Variants in MYCBP2 observed in about 807,000 individuals in gnomAD.
MYCBP2 encodes the protein E3 ubiquitin-protein ligase MYCBP2.
In MYCBP2, 120 loss-of-function variants were observed where a neutral mutation model predicts 525.3. The observed-to-expected ratio is 0.23, with a 90% CI of 0.20 to 0.27. MYCBP2 has a LOEUF of 0.27. Ranked by LOEUF, MYCBP2 falls within the 10% of genes least tolerant of loss-of-function variation. MYCBP2 has a pLI of 1.00. For synonymous variants in MYCBP2, 1,894 were observed against 1,955.8 expected, an observed-to-expected ratio of 0.97 and a Z score of 0.83; for missense variants, 4,149 against 5,657.1, an observed-to-expected ratio of 0.73 and a Z score of 8.55.
intron 43 of MYCBP2, among the ~76,000 whole-genome samples, chr13:77,162,719 C>T (rs1315989491): frequency 6.6e-6 from 1 of 152,036 alleles, no homozygotes; most frequent in East Asian, 1.9e-4. Flanking sequence ...TGCAGTGGTG[C>T]GATCTCGGCT....
Position 77,068,664 on chromosome 13 carries a change from A to G in MYCBP2, c.12072T>C (p.Ser4024=). 1 of 1,614,202 alleles carries G rather than the reference A, an allele frequency of 6.2e-7. No homozygotes were observed. The highest frequency in any genetic ancestry group is 8.5e-7 in the Non-Finnish European group (1 of 1,180,024). The change falls in exon 70 of 83, where the codon AGT becomes AGC. Residue 4024 remains serine, a synonymous_variant. Coordinates refer to ENST00000544440, the MANE Select transcript of MYCBP2 (RefSeq NM_015057.5). The part of the protein sequence containing the change: ...FELLSMVLAL[S]GSNVGRQYLA... ...GATATTGCCGGCCAACGTTAGAGCC[A>G]CTCAGTGCTAAAACCATAGAGAGCA...
chr13:77,066,093 A>G lies in MYCBP2; in HGVS notation c.12456-5T>C. ...CTTTCACCTCGTCGGAGATAACTAC[A>G]AGAAAAATTAGCACTTAAAAAGCCA... On this transcript the variant is annotated splice_polypyrimidine_tract_variant and splice_region_variant and intron_variant, in intron 71 of 82. Transcript: ENST00000544440. 1 of 1,605,320 alleles carries G rather than the reference A, an allele frequency of 6.2e-7. No individual in the cohort carries two copies. The highest frequency in any genetic ancestry group is 8.5e-7 in the Non-Finnish European group (1 of 1,172,990).
chr13:77,290,358 T>C (rs542783097), intron 2 of MYCBP2, among the ~76,000 whole-genome samples: 2 of 152,236 alleles, frequency 1.3e-5, no homozygotes, highest in East Asian at 3.8e-4. Context: ...ATTATGTTCT[T>C]GGACATTTAC....
intron 82 of MYCBP2, among the ~76,000 whole-genome samples, chr13:77,050,342 G>T (rs1014300856): frequency 4.6e-5 from 7 of 152,086 alleles, no homozygotes; most frequent in African/African-American, 1.7e-4. Flanking sequence ...ACTAATTTCA[G>T]ATATATCTTA....
At position 77,176,756 on chromosome 13, in the gene MYCBP2, C is replaced by T. The variant is rs1228821818; in HGVS notation, c.5341-128G>A. 6.4e-6 allele frequency: 5 copies of T among 781,998 alleles called. No homozygotes were observed. The East Asian group carries it at 9.8e-5, about 15-fold the overall frequency. The allele number at this position is 781,998 out of a possible 1,614,324, so 48.4% of individuals were successfully genotyped here. A position where few individuals can be genotyped will look rare whatever the true frequency, so the allele number is the denominator to read the frequency against. Reference sequence around the variant, plus strand: ...ATATAAAATTAGCCATTAGTATTTTCCCATACATATGAAAGAAAAAGTTGG... The same window carrying T: ...ATATAAAATTAGCCATTAGTATTTTTCCATACATATGAAAGAAAAAGTTGG... On this transcript the variant is annotated intron_variant, in intron 35 of 82. Coordinates refer to ENST00000544440, the MANE Select transcript of MYCBP2 (RefSeq NM_015057.5).
rs1243603709 is a variant in MYCBP2 at position 77,191,847 on chromosome 13, T to C, written c.3936-34A>G. On this transcript the variant is annotated intron_variant, in intron 27 of 82. Coordinates refer to ENST00000544440, the MANE Select transcript of MYCBP2 (RefSeq NM_015057.5). ...AAATTAGTGAGTCAAAAACAATATT[T>C]TCTTACTTCTCTGTCACATATATTT... 3.1e-6 allele frequency: 5 copies of C among 1,601,602 alleles called. No individual in the cohort carries two copies. The South Asian group carries it at 4.4e-5, about 14-fold the overall frequency.
intron 13 of MYCBP2, among the ~76,000 whole-genome samples, chr13:77,259,590 TACA>T (rs1432281527): frequency 6.6e-6 from 1 of 152,226 alleles, no homozygotes; most frequent in Admixed American, 6.5e-5. Context: ...ATCTAAATAT[TACA>T]ACATTAAGCC....
In MYCBP2 at chr13:77,171,645, A is replaced by G. The variant is rs769379452; in HGVS notation, c.5652-11T>C. 1.9e-6 allele frequency: 3 copies of G among 1,612,828 alleles called. No homozygotes were observed. The highest frequency in any genetic ancestry group is 2.7e-5 in the African/African-American group (2 of 74,896). On this transcript the variant is annotated splice_polypyrimidine_tract_variant and intron_variant, in intron 37 of 82. Transcript: ENST00000544440. ...CCATCAAATTCACTCCTGTAGCATG[A>G]GCAAACATGAGATTATTTTACAATG...
chr13:77,094,299 T>C (rs558425791), intron 58 of MYCBP2, among the ~76,000 whole-genome samples: 119 of 152,286 alleles, frequency 7.8e-4, no homozygotes, highest in African/African-American at 2.5e-3. Context: ...GGAGTGTCAG[T>C]GCATGATGTG....
intron 19 of MYCBP2, among the ~76,000 whole-genome samples, chr13:77,224,793 TTAA>T (rs2066036127): frequency 6.6e-6 from 1 of 152,180 alleles, no homozygotes; most frequent in South Asian, 2.1e-4. Flanking sequence ...TTAATTCTTA[TTAA>T]CACACTGGTT....
intron 2 of MYCBP2, among the ~76,000 whole-genome samples, chr13:77,291,042 C>G (rs2077411569): frequency 6.6e-6 from 1 of 152,026 alleles, no homozygotes; most frequent in South Asian, 2.1e-4. Context: ...AGACATATAC[C>G]ATGTTCATGG....
chr13:77,210,456 T>C (rs999848947), intron 23 of MYCBP2, among the ~76,000 whole-genome samples: 7 of 152,134 alleles, frequency 4.6e-5, no homozygotes, highest in African/African-American at 1.7e-4. Context: ...CCTCCCAAAG[T>C]GCTGGGATTA....
In MYCBP2 at chr13:77,150,811, C is replaced by G. The variant is rs537525313; in HGVS notation, c.7054G>C (p.Ala2352Pro). The change falls in exon 47 of 83, where the codon GCA (alanine) becomes CCA (proline). Residue 2352 changes from alanine to proline, a missense_variant. Ala to Pro is a conservative substitution (Grantham distance 27, BLOSUM62 -1). This residue lies in a region of MYCBP2 where 692 missense variants were observed against 852.7 expected (regional missense o/e 0.81). Transcript: ENST00000544440. ...SNTDMTYGGLASPKLDVSYEP... is the reference protein window; with the variant it reads ...SNTDMTYGGLPSPKLDVSYEP... ...TATGAAACATCTAGCTTTGGTGATG[C>G]CAGCCCTCCATAAGTCATGTCAGTA... 1 of 1,614,082 alleles carries G rather than the reference C, an allele frequency of 6.2e-7. No homozygotes were observed. The highest frequency in any genetic ancestry group is 8.5e-7 in the Non-Finnish European group (1 of 1,179,996).
intron 13 of MYCBP2, among the ~76,000 whole-genome samples, chr13:77,260,200 G>T (rs7981372): frequency 2.6e-5 from 4 of 152,204 alleles, no homozygotes; most frequent in African/African-American, 9.6e-5. Context: ...CTACAGCGAA[G>T]CTTCCCTTGC....
At chr13:77,291,189 TAAG>T (rs1480192608) in intron 2 of MYCBP2, among the ~76,000 whole-genome samples, 1 of 152,010 alleles carries the variant, frequency 6.6e-6, no homozygotes, top group Non-Finnish European at 1.5e-5. Flanking sequence ...GGCAATTCAA[TAAG>T]AAGAAGACAA....
At chr13:77,105,917 T>A (rs1485638059) in intron 55 of MYCBP2, among the ~76,000 whole-genome samples, 1 of 152,178 alleles carries the variant, frequency 6.6e-6, no homozygotes, top group Non-Finnish European at 1.5e-5. Flanking sequence ...AGTATTAAAT[T>A]CCCTGAGTCA....
intron 1 of MYCBP2, among the ~76,000 whole-genome samples, chr13:77,314,667 T>C (rs2080707786): frequency 6.6e-6 from 1 of 152,212 alleles, no homozygotes; most frequent in Non-Finnish European, 1.5e-5. Context: ...ATATTCTGTA[T>C]GATACTACAG....
chr13:77,067,121 T>C (rs1250970484), intron 71 of MYCBP2, among the ~76,000 whole-genome samples: 1 of 152,176 alleles, frequency 6.6e-6, no homozygotes, highest in Non-Finnish European at 1.5e-5. Flanking sequence ...TGATTTTGGG[T>C]TCTGTGTTTT....
rs995056668 is a variant in MYCBP2, at chr13:77,087,756, A to T, written c.10726-123T>A. ...AGATACTAGAAAATCTTTTTTAATT[A>T]AAAAAAATGCCTTATAGTTTTACTA... On this transcript the variant is annotated intron_variant, in intron 61 of 82. Transcript: ENST00000544440. 52 of 788,372 alleles carry T rather than the reference A, an allele frequency of 6.6e-5. 3 individuals are homozygous for T. The South Asian group carries it at 1.1e-3, about 17-fold the overall frequency. The allele number at this position is 788,372 out of a possible 1,614,324, so 48.8% of individuals were successfully genotyped here. A position where few individuals can be genotyped will look rare whatever the true frequency, so the allele number is the denominator to read the frequency against.
Sources: allele counts gnomAD v4.1 joint callset (sites outside exome capture counted in the v4.1 genomes callset), GRCh38; gene constraint gnomAD v4.1.1; regional missense constraint gnomAD v4.1.1; transcripts MANE v1.5; gene names NCBI Gene and HGNC (gene_info 2026-07-23, HGNC 2026-07-21).